Variants in DYNC1I1 observed in about 807,000 individuals in gnomAD.
DYNC1I1 encodes the protein cytoplasmic dynein 1 intermediate chain 1.
DYNC1I1 carries 43 observed loss-of-function variants against 86.6 expected under a neutral mutation model. That is an observed-to-expected ratio of 0.50 (90% confidence interval 0.39 to 0.64). DYNC1I1 has a LOEUF of 0.64. DYNC1I1 is among the 30% of genes least tolerant of loss of function. The probability of loss-of-function intolerance (pLI) is 0.00; values close to 1 mark genes in which losing one functional copy is unlikely to be tolerated. For synonymous variants in DYNC1I1, 262 were observed against 283.7 expected (o/e 0.92, Z 0.77); for missense variants, 604 against 788.8 (o/e 0.77, Z 2.81).
chr7:95,904,132 A>T (rs1791111323), intron 6 of DYNC1I1, among the ~76,000 whole-genome samples: 1 of 152,160 alleles, frequency 6.6e-6, no homozygotes, highest in African/African-American at 2.4e-5. Flanking sequence ...TTTAGGGTAT[A>T]TGGAGAAGTT....
intron 10 of DYNC1I1, among the ~76,000 whole-genome samples, chr7:95,997,197 CG>C (rs1793887586): frequency 1.3e-5 from 2 of 152,090 alleles, no homozygotes; most frequent in South Asian, 4.2e-4. Flanking sequence ...GAAATAAGAA[CG>C]GTTCTTTCTT....
Position 96,032,649 on chromosome 7 carries a change from T to C in DYNC1I1, c.1117-18T>C. 6.3e-7 allele frequency: 1 copy of C among 1,587,422 alleles called. No homozygotes were observed. The highest frequency in any genetic ancestry group is 8.6e-7 in the Non-Finnish European group (1 of 1,157,262). On this transcript the variant is annotated intron_variant, in intron 11 of 16. Transcript: ENST00000447467. Reference sequence around the variant, plus strand: ...CTCTTGGATCTGTCTCTGATCCTCTTTGTTTATGTTTTTGCAGCATCCCGT... The same window carrying C: ...CTCTTGGATCTGTCTCTGATCCTCTCTGTTTATGTTTTTGCAGCATCCCGT...
At chr7:95,837,320 C>A (rs971874350) in intron 5 of DYNC1I1, among the ~76,000 whole-genome samples, 3 of 152,076 alleles carry the variant, frequency 2.0e-5, no homozygotes, top group Admixed American at 6.6e-5. Context: ...AGGCAGTCTG[C>A]CCGTTCTCAG....
chr7:96,105,038 CA>C (rs951284180), intron 16 of DYNC1I1, among the ~76,000 whole-genome samples: 23 of 143,266 alleles, frequency 1.6e-4, no homozygotes, highest in African/African-American at 2.1e-4. Flanking sequence ...GTTGTGCAAA[CA>C]TTTTTTTTTC....
At chr7:96,024,316 C>T (rs1035808389) in intron 10 of DYNC1I1, among the ~76,000 whole-genome samples, 2 of 152,244 alleles carry the variant, frequency 1.3e-5, no homozygotes, top group South Asian at 2.1e-4. Flanking sequence ...ATGCTAGTCT[C>T]GAACTCCTAG....
chr7:95,878,096 G>C (rs1216883603), intron 6 of DYNC1I1, among the ~76,000 whole-genome samples: 1 of 152,074 alleles, frequency 6.6e-6, no homozygotes, highest in Non-Finnish European at 1.5e-5. Context: ...CCTGGGGGTT[G>C]GGGGGACTGG....
chr7:96,060,330 G>A (rs559095360), intron 14 of DYNC1I1, among the ~76,000 whole-genome samples: 9 of 152,244 alleles, frequency 5.9e-5, no homozygotes, highest in African/African-American at 1.2e-4. Flanking sequence ...CCTGAAGTCC[G>A]ACATACATGG....
chr7:96,065,559 T>G (rs1396413367), intron 14 of DYNC1I1, among the ~76,000 whole-genome samples: 2 of 152,004 alleles, frequency 1.3e-5, no homozygotes, highest in Non-Finnish European at 2.9e-5. Context: ...TTGGTTTGTT[T>G]GTTTGTTTTG....
At chr7:95,953,571 A>G (rs1420881488) in intron 6 of DYNC1I1, among the ~76,000 whole-genome samples, 2 of 152,228 alleles carry the variant, frequency 1.3e-5, no homozygotes, top group Non-Finnish European at 2.9e-5. Flanking sequence ...CTGCGCTTGT[A>G]GTAATAACTG....
At chr7:96,079,061 C>G (rs1216583320) in intron 15 of DYNC1I1, among the ~76,000 whole-genome samples, 2 of 151,730 alleles carry the variant, frequency 1.3e-5, no homozygotes, top group Non-Finnish European at 2.9e-5. Flanking sequence ...AATTGACATA[C>G]AGTGATTTAA....
chr7:95,996,914 A>G (rs1183783543), intron 10 of DYNC1I1, among the ~76,000 whole-genome samples: 1 of 152,220 alleles, frequency 6.6e-6, no homozygotes, highest in Admixed American at 6.5e-5. Context: ...CAAAGACATC[A>G]TTTGAAGAGG....
intron 16 of DYNC1I1, among the ~76,000 whole-genome samples, chr7:96,096,089 C>T (rs1020787272): frequency 6.6e-6 from 1 of 152,092 alleles, no homozygotes; most frequent in Non-Finnish European, 1.5e-5. Flanking sequence ...TATATCATTT[C>T]CAGAATTATA....
intron 6 of DYNC1I1, among the ~76,000 whole-genome samples, chr7:95,916,796 A>T (rs1431506224): frequency 6.6e-6 from 1 of 152,212 alleles, no homozygotes; most frequent in Non-Finnish European, 1.5e-5. Context: ...ACTTTTTAGA[A>T]AACTGCTCAC....
At chr7:96,075,395 T>C (rs143107314) in intron 14 of DYNC1I1, among the ~76,000 whole-genome samples, 1 of 152,280 alleles carries the variant, frequency 6.6e-6, no homozygotes, top group African/African-American at 2.4e-5. Context: ...GGCACTTCAA[T>C]GAGCCACACC....
chr7:95,887,484 C>T (rs745309547), intron 6 of DYNC1I1, among the ~76,000 whole-genome samples: 4 of 151,996 alleles, frequency 2.6e-5, no homozygotes, highest in Non-Finnish European at 2.9e-5. Flanking sequence ...CTTAATTCCC[C>T]GTCCTCTTTT....
chr7:95,997,120 G>A (rs1009536426), intron 10 of DYNC1I1, among the ~76,000 whole-genome samples: 1 of 152,156 alleles, frequency 6.6e-6, no homozygotes, highest in Non-Finnish European at 1.5e-5. Flanking sequence ...CTAATTTGCT[G>A]TCTCAAAAAC....
intron 15 of DYNC1I1, among the ~76,000 whole-genome samples, chr7:96,077,646 C>T (rs1000188426): frequency 1.3e-5 from 2 of 151,992 alleles, no homozygotes; most frequent in African/African-American, 4.8e-5. Context: ...TTTAAAGCAA[C>T]CAAAAAAACT....
rs77925818 is a variant in DYNC1I1 at position 95,796,331 on chromosome 7, C to T, written c.-9-8390C>T. On this transcript the variant is annotated intron_variant, in intron 1 of 16. Transcript: ENST00000447467. ...CTTTCTTTCCTTCTTTCTTTCTTGA[C>T]GGAGTTTCACTCTTGTTGCTCAGGC... Among the ~76,000 whole-genome samples the T allele has an allele frequency of 7.8e-3, 1,180 of 152,074 alleles. 10 individuals are homozygous for T. The highest frequency in any genetic ancestry group is 0.026 in the African/African-American group (1,090 of 41,456).
chr7:96,085,521 C>T (rs1291839442), intron 16 of DYNC1I1, among the ~76,000 whole-genome samples: 2 of 152,134 alleles, frequency 1.3e-5, no homozygotes, highest in South Asian at 2.1e-4. Flanking sequence ...TTGATTTCAG[C>T]ATTATATCTG....
Sources: gnomAD v4.1 joint callset for allele counts (sites outside exome capture counted in the v4.1 genomes callset) on GRCh38, gnomAD v4.1.1 for gene constraint, MANE v1.5 for transcripts, NCBI Gene and HGNC (gene_info 2026-07-23, HGNC 2026-07-21) for gene names.